The following ATP8A2 variants were observed in gnomAD, a reference collection of about 807,000 sequenced individuals.
The protein encoded by ATP8A2 is phospholipid-transporting ATPase IB.
In ATP8A2, 100 loss-of-function variants were observed where a neutral mutation model predicts 165.6. That is an observed-to-expected ratio of 0.60 (90% CI 0.51 to 0.71). ATP8A2 has a LOEUF of 0.71. Among genes scored for constraint, ATP8A2 ranks in the 30% least tolerant of loss-of-function variants. The probability of loss-of-function intolerance (pLI) is 0.00; values close to 1 mark genes in which losing one functional copy is unlikely to be tolerated. For missense variants in ATP8A2, 1,227 were observed against 1,479.5 expected (o/e 0.83, Z 2.80); for synonymous variants, 543 against 548.8 (o/e 0.99, Z 0.15).
intron 25 of ATP8A2, among the ~76,000 whole-genome samples, chr13:25,756,269 G>C (rs1432737415): frequency 6.6e-6 from 1 of 151,410 alleles, no homozygotes; most frequent in African/African-American, 2.4e-5. Flanking sequence ...GGCAATGGCG[G>C]TGTCCCCATA....
chr13:25,915,448 A>T (rs1954243463), intron 33 of ATP8A2, among the ~76,000 whole-genome samples: 1 of 152,242 alleles, frequency 6.6e-6, no homozygotes, highest in Non-Finnish European at 1.5e-5. Context: ...AGCAATAAAT[A>T]TACCAAAGCT....
At chr13:25,875,928 AG>A (rs1952810288) in intron 33 of ATP8A2, among the ~76,000 whole-genome samples, 1 of 152,238 alleles carries the variant, frequency 6.6e-6, no homozygotes, top group Admixed American at 6.5e-5. Context: ...ATTAAAACTG[AG>A]GAAGACAGTG....
intron 2 of ATP8A2, among the ~76,000 whole-genome samples, chr13:25,481,125 C>T (rs9581354): frequency 0.056 from 8,319 of 148,858 alleles, 294 homozygotes; most frequent in South Asian, 0.12. Flanking sequence ...AGCTTCGGCT[C>T]GGCATCAGAG....
intron 2 of ATP8A2, among the ~76,000 whole-genome samples, chr13:25,522,673 GT>G (rs2037708134): frequency 6.6e-6 from 1 of 152,156 alleles, no homozygotes; most frequent in East Asian, 1.9e-4. Context: ...TGATCACATG[GT>G]TTTTGTTCTT....
At chr13:25,914,926 G>C (rs1053506245) in intron 33 of ATP8A2, among the ~76,000 whole-genome samples, 7 of 152,174 alleles carry the variant, frequency 4.6e-5, no homozygotes, top group Admixed American at 4.6e-4. Context: ...GATTTGTTAG[G>C]ATTTGGCTCA....
At chr13:25,380,560 T>G (rs1370521166) in intron 1 of ATP8A2, among the ~76,000 whole-genome samples, 1 of 152,204 alleles carries the variant, frequency 6.6e-6, no homozygotes, top group Non-Finnish European at 1.5e-5. Context: ...TTTGGATATG[T>G]GAGATTAAAT....
At chr13:25,898,802 G>A (rs1953646647) in intron 33 of ATP8A2, among the ~76,000 whole-genome samples, 1 of 152,210 alleles carries the variant, frequency 6.6e-6, no homozygotes, top group Admixed American at 6.5e-5. Context: ...AATGAACGAG[G>A]CTCCGTGGGC....
At chr13:25,497,282 T>G (rs2036707705) in intron 2 of ATP8A2, among the ~76,000 whole-genome samples, 1 of 152,230 alleles carries the variant, frequency 6.6e-6, no homozygotes, top group African/African-American at 2.4e-5. Flanking sequence ...TATTTTACTC[T>G]AACACATTTT....
At chr13:25,681,669 T>G (rs1411719589) in intron 24 of ATP8A2, among the ~76,000 whole-genome samples, 4 of 152,216 alleles carry the variant, frequency 2.6e-5, no homozygotes, top group Admixed American at 6.5e-5. Flanking sequence ...GTGGACAGGT[T>G]TGTTTCCTCC....
rs146567986 is a variant in ATP8A2 at position 26,020,218 on chromosome 13, T to C, written c.*233T>C. 3.0e-5 allele frequency: 17 copies of C among 558,220 alleles called. No homozygotes were observed. In the East Asian group the frequency reaches 4.5e-4, roughly 15 times the overall value. The allele number at this position is 558,220 out of a possible 1,614,324, so 34.6% of individuals were successfully genotyped here. A position where few individuals can be genotyped will look rare whatever the true frequency, so the allele number is the denominator to read the frequency against. On this transcript the variant is annotated 3_prime_UTR_variant, in exon 37 of 37. Coordinates refer to ENST00000381655, the MANE Select transcript of ATP8A2 (RefSeq NM_016529.6). ...TCGTCTGCAGTGCTTAGCCTAACTTTTGTTTATGTCGTTATGAAGCATTCA... is the reference window on the plus strand; with the variant it reads ...TCGTCTGCAGTGCTTAGCCTAACTTCTGTTTATGTCGTTATGAAGCATTCA...
chr13:25,898,433 C>T (rs1203979195), intron 33 of ATP8A2, among the ~76,000 whole-genome samples: 1 of 152,184 alleles, frequency 6.6e-6, no homozygotes, highest in African/African-American at 2.4e-5. Context: ...TCAGTCCGCC[C>T]CTACTGGGGG....
At chr13:25,647,121 C>G (rs904720642) in intron 24 of ATP8A2, among the ~76,000 whole-genome samples, 3 of 152,108 alleles carry the variant, frequency 2.0e-5, no homozygotes, top group African/African-American at 7.2e-5. Context: ...TGTCTTTTAA[C>G]CCTTGTACAA....
intron 28 of ATP8A2, 147 bp downstream of exon 28, chr13:25,828,339 C>T (rs1951372714): frequency 1.4e-6 from 1 of 712,116 alleles, no homozygotes; most frequent in Middle Eastern, 2.9e-4. Context: ...CCCTTTGTTG[C>T]TGTGAAACAT....
At chr13:25,669,641 T>G (rs1469393681) in intron 24 of ATP8A2, among the ~76,000 whole-genome samples, 1 of 152,232 alleles carries the variant, frequency 6.6e-6, no homozygotes, top group Non-Finnish European at 1.5e-5. Context: ...AGAAACTTCC[T>G]TCTTAGCCTC....
At chr13:25,974,375 G>T (rs1263995831) in intron 35 of ATP8A2, among the ~76,000 whole-genome samples, 1 of 152,014 alleles carries the variant, frequency 6.6e-6, no homozygotes, top group African/African-American at 2.4e-5. Flanking sequence ...CATCGTCGGG[G>T]TGTGCCCCCT....
intron 27 of ATP8A2, among the ~76,000 whole-genome samples, chr13:25,783,221 C>T (rs186855371): frequency 6.6e-6 from 1 of 152,148 alleles, no homozygotes; most frequent in Non-Finnish European, 1.5e-5. Flanking sequence ...GGTGCCAACC[C>T]CATCCCAAGA....
intron 35 of ATP8A2, among the ~76,000 whole-genome samples, chr13:26,003,324 A>G (rs1446877648): frequency 6.7e-6 from 1 of 148,972 alleles, no homozygotes; most frequent in Non-Finnish European, 1.5e-5. Flanking sequence ...TCATATGTAT[A>G]TCGTCTTTTA....
chr13:25,560,392 A>G (rs1289701013), intron 15 of ATP8A2, among the ~76,000 whole-genome samples: 2 of 152,112 alleles, frequency 1.3e-5, no homozygotes. Flanking sequence ...TAATGTTTAT[A>G]TTAGTTTTTA....
rs148153784 is a variant in ATP8A2, at chr13:25,661,065, A to G, written c.2212-38108A>G. Among the ~76,000 whole-genome samples the G allele has an allele frequency of 5.9e-3, 895 of 152,292 alleles. 9 individuals carry two copies. The highest frequency in any genetic ancestry group is 0.021 in the African/African-American group (860 of 41,552). ...TGATGGCCCATTTGTGTCTGTGTTCACACGTGCGTCTCTGAGAGACAGAGA... is the reference window on the plus strand; with the variant it reads ...TGATGGCCCATTTGTGTCTGTGTTCGCACGTGCGTCTCTGAGAGACAGAGA... On this transcript the variant is annotated intron_variant, in intron 24 of 36. Transcript: ENST00000381655.
Sources: allele counts gnomAD v4.1 joint callset (sites outside exome capture counted in the v4.1 genomes callset), GRCh38; gene constraint gnomAD v4.1.1; transcripts MANE v1.5; gene names NCBI Gene and HGNC (gene_info 2026-07-23, HGNC 2026-07-21).